The following SH3KBP1 variants were observed in gnomAD, a reference collection of about 807,000 sequenced individuals.
SH3KBP1 encodes SH3 domain-containing kinase-binding protein 1.
In SH3KBP1, 8 loss-of-function variants were observed where a neutral mutation model predicts 50.1. The observed-to-expected ratio is 0.16, with a 90% CI of 0.09 to 0.29. The LOEUF (loss-of-function observed/expected upper bound fraction) is 0.29, where lower values mean the gene tolerates loss of function less well. Among genes scored for constraint, SH3KBP1 ranks in the 10% least tolerant of loss-of-function variants. The pLI, the probability that SH3KBP1 is intolerant of heterozygous loss-of-function variation, is 1.00. For missense variants in SH3KBP1, 377 were observed against 535.2 expected, an observed-to-expected ratio of 0.70 and a Z score of 2.92; for synonymous variants, 227 against 218.6, an observed-to-expected ratio of 1.04 and a Z score of -0.34.
chrX:19,854,277 G>A (rs758016586), intron 1 of SH3KBP1, among the ~76,000 whole-genome samples: 2 of 110,232 alleles, frequency 1.8e-5, no homozygotes, highest in African/African-American at 3.3e-5. Flanking sequence ...CATCACGCCC[G>A]GTTAATTTTT....
chrX:19,622,192 G>T (rs771990365), intron 8 of SH3KBP1, among the ~76,000 whole-genome samples: 54 of 112,061 alleles, frequency 4.8e-4, no homozygotes, highest in African/African-American at 1.7e-3. Context: ...TTAATGTCAT[G>T]AATATAAGGT....
chrX:19,713,583 A>T (rs1789156086), intron 3 of SH3KBP1, among the ~76,000 whole-genome samples: 1 of 110,994 alleles, frequency 9.0e-6, no homozygotes, highest in African/African-American at 3.3e-5. Flanking sequence ...ATTCTTATTC[A>T]TATATAATAG....
rs2067503292 is a variant in SH3KBP1, at chrX:19,820,766, T to C, written c.162+15359A>G. Among the ~76,000 whole-genome samples, 3 of 111,599 alleles carry C rather than the reference T, an allele frequency of 2.7e-5. No individual in the cohort carries two copies. The South Asian group carries it at 1.1e-3, about 41-fold the overall frequency. ...TTTGTTCACTCTGTTTTTCATTGTT[T>C]CCTTTTTCTTGTCTTCCTGTGGGTT... On this transcript the variant is annotated intron_variant, in intron 2 of 17. Coordinates refer to ENST00000397821, the MANE Select transcript of SH3KBP1 (RefSeq NM_031892.3).
At chrX:19,872,379 AC>A (rs1442175271) in intron 1 of SH3KBP1, among the ~76,000 whole-genome samples, 1 of 110,693 alleles carries the variant, frequency 9.0e-6, no homozygotes, top group Admixed American at 9.6e-5. Flanking sequence ...CTCTAATCTT[AC>A]ACCTGAACTC....
intron 1 of SH3KBP1, among the ~76,000 whole-genome samples, chrX:19,867,212 G>T (rs1257458177): frequency 9.0e-6 from 1 of 111,222 alleles, no homozygotes; most frequent in Non-Finnish European, 1.9e-5. Context: ...ATAATTTTTG[G>T]AGTCCTTGCA....
At chrX:19,734,672 C>T (rs1423302508) in intron 3 of SH3KBP1, among the ~76,000 whole-genome samples, 3 of 112,002 alleles carry the variant, frequency 2.7e-5, no homozygotes, top group Non-Finnish European at 5.6e-5. Context: ...TTCACGCCCA[C>T]CAAAAATCAC....
intron 3 of SH3KBP1, among the ~76,000 whole-genome samples, chrX:19,739,358 C>T (rs1390797437): frequency 4.5e-5 from 5 of 111,956 alleles, no homozygotes; most frequent in Non-Finnish European, 5.6e-5. Flanking sequence ...TTTTTACTTT[C>T]GCCACCTGCT....
intron 2 of SH3KBP1, among the ~76,000 whole-genome samples, chrX:19,757,306 C>T (rs1006868016): frequency 7.3e-5 from 8 of 110,022 alleles, no homozygotes; most frequent in Non-Finnish European, 1.5e-4. Context: ...TGAAAAACTA[C>T]ATGCCTACCC....
chrX:19,717,731 T>C (rs939820481), intron 3 of SH3KBP1, among the ~76,000 whole-genome samples: 7 of 111,831 alleles, frequency 6.3e-5, no homozygotes, highest in South Asian at 3.7e-4. Context: ...GTCTGAAGCA[T>C]CTGTAATACT....
intron 1 of SH3KBP1, among the ~76,000 whole-genome samples, chrX:19,859,135 T>A (rs1395793758): frequency 9.1e-6 from 1 of 110,425 alleles, no homozygotes; most frequent in African/African-American, 3.3e-5. Context: ...ACATCAAATG[T>A]TTGTTGTGAA....
chrX:19,867,903 C>T (rs1197212048), intron 1 of SH3KBP1, among the ~76,000 whole-genome samples: 3 of 111,314 alleles, frequency 2.7e-5, no homozygotes, highest in African/African-American at 6.5e-5. Flanking sequence ...ACTTCTAAAT[C>T]GAGCTGCCTA....
At chrX:19,656,435 A>G (rs1424316441) in intron 6 of SH3KBP1, among the ~76,000 whole-genome samples, 1 of 112,195 alleles carries the variant, frequency 8.9e-6, no homozygotes, top group African/African-American at 3.2e-5. Context: ...TAGGCTGCCT[A>G]TCTAAAGGCA....
At chrX:19,554,331 AATATTATATATCATATTAAT>A (rs1310476527) in intron 13 of SH3KBP1, among the ~76,000 whole-genome samples, 8 of 82,297 alleles carry the variant, frequency 9.7e-5, no homozygotes, top group African/African-American at 2.3e-4. Flanking sequence ...ATTAAAATAT[AATATTATATATCATATTAAT>A]ATATTATATA....
intron 12 of SH3KBP1, among the ~76,000 whole-genome samples, chrX:19,582,074 C>A: frequency 9.0e-6 from 1 of 111,656 alleles, no homozygotes; most frequent in African/African-American, 3.3e-5. Flanking sequence ...TCTTCGAAAG[C>A]AATTCCTGGG....
intron 6 of SH3KBP1, among the ~76,000 whole-genome samples, chrX:19,669,890 A>ATTT (rs35848210): frequency 1.4e-4 from 14 of 102,503 alleles, no homozygotes; most frequent in African/African-American, 4.2e-4. Context: ...TGGCCACGCT[A>ATTT]TTTTTTTTTT....
intron 1 of SH3KBP1, among the ~76,000 whole-genome samples, chrX:19,885,318 G>A (rs2069557698): frequency 9.0e-6 from 1 of 111,352 alleles, no homozygotes; most frequent in African/African-American, 3.3e-5. Flanking sequence ...AAAAGAGCAG[G>A]TGATTTTTAG....
At chrX:19,697,741 G>A (rs1020314422) in intron 4 of SH3KBP1, among the ~76,000 whole-genome samples, 7 of 112,062 alleles carry the variant, frequency 6.2e-5, no homozygotes, top group Admixed American at 1.9e-4. Flanking sequence ...AATTAAGGTA[G>A]GCTTTTAGAA....
intron 7 of SH3KBP1, among the ~76,000 whole-genome samples, chrX:19,641,384 T>G (rs1320426067): frequency 8.9e-6 from 1 of 112,672 alleles, no homozygotes; most frequent in African/African-American, 3.2e-5. Flanking sequence ...GAACATACTT[T>G]TGAAGGATGT....
At chrX:19,660,556 A>T (rs2062420429) in intron 6 of SH3KBP1, among the ~76,000 whole-genome samples, 1 of 111,750 alleles carries the variant, frequency 8.9e-6, no homozygotes, top group African/African-American at 3.3e-5. Context: ...TGGAACAAAG[A>T]GCTTTCAGGT....
Sources: gnomAD v4.1 joint callset for allele counts (sites outside exome capture counted in the v4.1 genomes callset) on GRCh38, gnomAD v4.1.1 for gene constraint, MANE v1.5 for transcripts, NCBI Gene and HGNC (gene_info 2026-07-23, HGNC 2026-07-21) for gene names.